GPR161: variants seen among roughly 807,000 people sequenced by gnomAD.
GPR161 encodes G protein-coupled receptor 161, also known as G-protein coupled receptor RE2.
Under a neutral mutation model 39.2 loss-of-function variants are expected in GPR161, and 25 were observed. The ratio of observed to expected loss-of-function variants is 0.64; its 90% CI spans 0.47 to 0.89. The LOEUF (loss-of-function observed/expected upper bound fraction) is 0.89, where lower values mean the gene tolerates loss of function less well. Among genes scored for constraint, GPR161 ranks in the 40% least tolerant of loss-of-function variants. GPR161 has a pLI of 0.00. For synonymous variants in GPR161, 286 were observed against 276.6 expected (o/e 1.03, Z -0.34); for missense variants, 547 against 677.8 (o/e 0.81, Z 2.14).
At chr1:168,126,505 G>A (rs971803879) in intron 1 of GPR161, among the ~76,000 whole-genome samples, 1 of 152,106 alleles carries the variant, frequency 6.6e-6, no homozygotes, top group African/African-American at 2.4e-5. Context: ...AGCCTGGAGT[G>A]CAGTGGCGTG....
intron 1 of GPR161, chr1:168,114,337 C>A (rs930904560): frequency 2.0e-5 from 3 of 152,078 alleles, no homozygotes; most frequent in African/African-American, 7.3e-5. Context: ...AATCCCAGCA[C>A]TTTAAGAGGC....
chr1:168,117,504 C>A (rs1038987407), intron 1 of GPR161, among the ~76,000 whole-genome samples: 1 of 152,126 alleles, frequency 6.6e-6, no homozygotes, highest in Non-Finnish European at 1.5e-5. Flanking sequence ...TACTTAACCC[C>A]CCCCTGCATC....
At chr1:168,124,991 C>G (rs1698477018) in intron 1 of GPR161, among the ~76,000 whole-genome samples, 1 of 152,184 alleles carries the variant, frequency 6.6e-6, no homozygotes, top group Non-Finnish European at 1.5e-5. Flanking sequence ...AATTACCCAG[C>G]CTCATGTATT....
In GPR161 at chr1:168,098,173, C is replaced by A. The variant is rs1266074924; in HGVS notation, c.375-941G>T. Among the ~76,000 whole-genome samples the A allele has an allele frequency of 6.6e-6, 1 of 152,194 alleles. No homozygotes were observed. Among genetic ancestry groups the A allele is most frequent in the Non-Finnish European group, 1.5e-5 (1 of 68,030 alleles). ...GGACCACCCCAGGCAGAAAGCTAGCCTGGCGAGGTATGGAGTTGTGAGTGA... is the reference window on the plus strand; with the variant it reads ...GGACCACCCCAGGCAGAAAGCTAGCATGGCGAGGTATGGAGTTGTGAGTGA... On this transcript the variant is annotated intron_variant, in intron 2 of 5. Coordinates refer to ENST00000682931, the MANE Select transcript of GPR161 (RefSeq NM_001375883.1). The surrounding 1 kb of genome is among the most constrained non-coding windows in gnomAD (Gnocchi z 4.1).
intron 3 of GPR161, among the ~76,000 whole-genome samples, chr1:168,096,179 TAC>T: frequency 7.4e-6 from 1 of 134,742 alleles, no homozygotes; most frequent in East Asian, 2.5e-4. Context: ...GAACTAACTA[TAC>T]ACACTCTGAG....
intron 1 of GPR161, 119 bp downstream of exon 1, chr1:168,136,620 G>C: frequency 1.6e-6 from 2 of 1,227,138 alleles, no homozygotes; most frequent in Non-Finnish European, 2.0e-6. Context: ...CCGTGGGGGC[G>C]GGGACCCTTC....
chr1:168,133,196 T>C (rs1350407637), intron 1 of GPR161, among the ~76,000 whole-genome samples: 1 of 152,234 alleles, frequency 6.6e-6, no homozygotes, highest in African/African-American at 2.4e-5. Context: ...TTTTGAATGC[T>C]ATACCTTTCC....
chr1:168,112,462 G>A (rs1434097497), intron 1 of GPR161, among the ~76,000 whole-genome samples: 4 of 106,422 alleles, frequency 3.8e-5, no homozygotes, highest in Non-Finnish European at 6.9e-5. Flanking sequence ...CCTGGGCGAC[G>A]AAGTGAGACT....
In GPR161 at chr1:168,104,632, G is replaced by A. The variant is rs755505622; in HGVS notation, c.219C>T (p.Asn73=). 1 of 1,614,166 alleles carries A rather than the reference G, an allele frequency of 6.2e-7. No homozygotes were observed. Among genetic ancestry groups the A allele is most frequent in the Non-Finnish European group, 8.5e-7 (1 of 1,179,996 alleles). The change falls in exon 2 of 6, where the codon AAC becomes AAT. Residue 73 remains asparagine (N), a synonymous_variant. Coordinates refer to ENST00000682931, the MANE Select transcript of GPR161 (RefSeq NM_001375883.1). ...GCAGCACCAACACGGACAGCAGGAAGTTGGACAGAGTCAGGCTGAAGACGA... is the reference window on the plus strand; with the variant it reads ...GCAGCACCAACACGGACAGCAGGAAATTGGACAGAGTCAGGCTGAAGACGA... ...NKFVFSLTLS[N]FLLSVLVLPF...
At chr1:168,136,359 A>G (rs1204131859) in intron 1 of GPR161, 48 of 1,470,664 alleles carry the variant, frequency 3.3e-5, no homozygotes, top group Non-Finnish European at 4.1e-5. Context: ...CGCGGCCCGC[A>G]TCGGCAGAGT....
At chr1:168,105,521 A>T (rs1216761018) in intron 1 of GPR161, among the ~76,000 whole-genome samples, 4 of 152,216 alleles carry the variant, frequency 2.6e-5, no homozygotes, top group African/African-American at 7.2e-5. Flanking sequence ...TGACTGTAAG[A>T]TTCTCATGGG....
At chr1:168,096,435 C>T in intron 3 of GPR161, 73 bp downstream of exon 3, 1 of 1,474,380 alleles carries the variant, frequency 6.8e-7, no homozygotes, top group Non-Finnish European at 9.3e-7. Flanking sequence ...CACCCACAAA[C>T]AGGCCAGAGT....
chr1:168,121,057 T>C (rs1698123135), intron 1 of GPR161, among the ~76,000 whole-genome samples: 1 of 152,126 alleles, frequency 6.6e-6, no homozygotes. Context: ...TCCAAAGGGA[T>C]TGGATGAAGG....
intron 1 of GPR161, among the ~76,000 whole-genome samples, chr1:168,124,575 T>C (rs1698447683): frequency 6.6e-6 from 1 of 152,196 alleles, no homozygotes. Flanking sequence ...AGAAGGTTGT[T>C]AGCTTGCCCA....
At chr1:168,091,593 G>C (rs1484556298) in intron 3 of GPR161, among the ~76,000 whole-genome samples, 1 of 152,116 alleles carries the variant, frequency 6.6e-6, no homozygotes, top group African/African-American at 2.4e-5. Flanking sequence ...CTCGTTATTA[G>C]AGGTGAAGGG....
rs189343889 is a variant in GPR161 at position 168,125,863 on chromosome 1, G to A, written c.-45+10876C>T. On this transcript the variant is annotated intron_variant, in intron 1 of 5. Coordinates refer to ENST00000682931, the MANE Select transcript of GPR161 (RefSeq NM_001375883.1). The stretch of plus-strand genomic sequence containing the variant: ...AAACTCCTGACCTCATGATCTGCCC[G>A]CCTCGGCCTCCCAAAGTGCTGGGAT... 5.7e-4 allele frequency among the ~76,000 whole-genome samples: 86 copies of A among 152,108 alleles called. 2 individuals are homozygous for A. Among genetic ancestry groups the A allele is most frequent in the Admixed American group, 5.6e-3 (85 of 15,272 alleles).
At chr1:168,097,713 G>A (rs1037831544) in intron 2 of GPR161, among the ~76,000 whole-genome samples, 1 of 152,194 alleles carries the variant, frequency 6.6e-6, no homozygotes, top group African/African-American at 2.4e-5. Context: ...GCTACCTCCT[G>A]GAAATGCAGT....
intron 3 of GPR161, among the ~76,000 whole-genome samples, chr1:168,090,971 T>C (rs535027758): frequency 6.6e-6 from 1 of 152,180 alleles, no homozygotes; most frequent in South Asian, 2.1e-4. Flanking sequence ...GGAGGGAAAA[T>C]GTGAGGTGAG....
chr1:168,123,579 C>CACACACACACACAT lies in GPR161; in HGVS notation c.-45+13159_-45+13160insATGTGTGTGTGTGT, dbSNP rs796208020. On this transcript the variant is annotated intron_variant, in intron 1 of 5. Transcript: ENST00000682931. ...ACACACACACACACACACACACACA[C>CACACACACACACAT]TTGTTTGCATGGAAGCTGGAGTGGC... Among the ~76,000 whole-genome samples, 2 of 147,748 alleles carry CACACACACACACAT rather than the reference C, an allele frequency of 1.4e-5. 1 individual carries two copies. Among genetic ancestry groups the CACACACACACACAT allele is most frequent in the Non-Finnish European group, 3.0e-5 (2 of 66,922 alleles).
Sources: gnomAD v4.1 joint callset for allele counts (sites outside exome capture counted in the v4.1 genomes callset) on GRCh38, gnomAD v4.1.1 for gene constraint, Gnocchi (gnomAD v3.1) non-coding constraint, MANE v1.5 for transcripts, NCBI Gene and HGNC (gene_info 2026-07-23, HGNC 2026-07-21) for gene names.